Variants in ATG7 observed in about 807,000 individuals in gnomAD.
ATG7 encodes ubiquitin-like modifier-activating enzyme ATG7.
Under a neutral mutation model 82.4 loss-of-function variants are expected in ATG7, and 70 were observed. That is an observed-to-expected ratio of 0.85 (90% CI 0.70 to 1.04). The LOEUF (loss-of-function observed/expected upper bound fraction) is 1.04, where lower values mean the gene tolerates loss of function less well. Ranked by LOEUF, ATG7 falls within the 50% of genes least tolerant of loss-of-function variation. The probability of loss-of-function intolerance (pLI) is 0.00; values close to 1 mark genes in which losing one functional copy is unlikely to be tolerated. For synonymous variants in ATG7, 287 were observed against 313.0 expected (o/e 0.92, Z 0.88); for missense variants, 792 against 864.3 (o/e 0.92, Z 1.05).
chr3:11,450,648 T>G (rs1312096556), intron 20 of ATG7, among the ~76,000 whole-genome samples: 1 of 152,220 alleles, frequency 6.6e-6, no homozygotes, highest in African/African-American at 2.4e-5. Flanking sequence ...GATCTGCTCT[T>G]CTGAGGGACC....
At chr3:11,354,102 G>A (rs1236673854) in intron 14 of ATG7, among the ~76,000 whole-genome samples, 1 of 152,104 alleles carries the variant, frequency 6.6e-6, no homozygotes, top group African/African-American at 2.4e-5. Flanking sequence ...AGACCTTCCA[G>A]TATGTCAAAT....
chr3:11,572,853 C>T, the ATG7 span, among the ~76,000 whole-genome samples: 1 of 152,054 alleles, frequency 6.6e-6, no homozygotes, highest in African/African-American at 2.4e-5. Context: ...CCTGGGCACT[C>T]TTTGGTTTTT....
At chr3:11,413,718 T>C (rs2081123731) in intron 19 of ATG7, among the ~76,000 whole-genome samples, 1 of 152,230 alleles carries the variant, frequency 6.6e-6, no homozygotes, top group Admixed American at 6.5e-5. Flanking sequence ...TTTGTCTAGC[T>C]TTGGTGTCAG....
At chr3:11,459,766 C>T (rs1198734282) in intron 20 of ATG7, among the ~76,000 whole-genome samples, 1 of 152,186 alleles carries the variant, frequency 6.6e-6, no homozygotes, top group Non-Finnish European at 1.5e-5. Context: ...GAATTACAAA[C>T]AAGAGTGGCA....
chr3:11,523,563 C>T (rs370626064), intron 20 of ATG7, among the ~76,000 whole-genome samples: 1 of 152,190 alleles, frequency 6.6e-6, no homozygotes, highest in African/African-American at 2.4e-5. Flanking sequence ...GAGTCCTAAA[C>T]GTTGATTTGC....
chr3:11,297,079 C>G (rs936642713), intron 3 of ATG7, among the ~76,000 whole-genome samples: 21 of 152,150 alleles, frequency 1.4e-4, no homozygotes, highest in Admixed American at 5.9e-4. Flanking sequence ...CCCATTTGGC[C>G]AGGTGCAGTG....
intron 19 of ATG7, among the ~76,000 whole-genome samples, chr3:11,404,587 A>C (rs911867739): frequency 6.6e-6 from 1 of 151,952 alleles, no homozygotes; most frequent in Non-Finnish European, 1.5e-5. Context: ...GGTTTTGGGC[A>C]TGTACCTAGC....
At chr3:11,393,017 T>C (rs1408543804) in intron 19 of ATG7, among the ~76,000 whole-genome samples, 2 of 152,118 alleles carry the variant, frequency 1.3e-5, no homozygotes, top group Non-Finnish European at 2.9e-5. Context: ...AAAGTTTAGG[T>C]AGAAACAGAT....
At chr3:11,326,091 G>T (rs1225821594) in intron 9 of ATG7, among the ~76,000 whole-genome samples, 1 of 152,188 alleles carries the variant, frequency 6.6e-6, no homozygotes, top group Non-Finnish European at 1.5e-5. Context: ...TCTTGCAGGA[G>T]AGAAAGGAAC....
intron 20 of ATG7, among the ~76,000 whole-genome samples, chr3:11,516,956 G>C (rs920936499): frequency 2.0e-5 from 3 of 152,042 alleles, no homozygotes; most frequent in Non-Finnish European, 4.4e-5. Context: ...GGTGGCACGT[G>C]CCTGTAGTCC....
At chr3:11,303,917 C>CA (rs55893689) in intron 5 of ATG7, among the ~76,000 whole-genome samples, 3,643 of 75,810 alleles carry the variant, frequency 0.048, 99 homozygotes, top group East Asian at 0.095. Flanking sequence ...ACTAAAAATG[C>CA]AAAAAAAAAA....
At position 11,423,016 on chromosome 3, in the gene ATG7, A is replaced by G. The variant is rs571025787; in HGVS notation, c.1957-3788A>G. Among the ~76,000 whole-genome samples the G allele has an allele frequency of 1.2e-4, 19 of 152,228 alleles. No individual in the cohort carries two copies. The South Asian group carries it at 3.5e-3, about 28-fold the overall frequency. ...GTGATCCACCCACCTTGGCCTCTCA[A>G]AGTGCTGGGATTACAAATAGGCATG... On this transcript the variant is annotated intron_variant, in intron 19 of 20. Transcript: ENST00000693202.
intron 11 of ATG7, among the ~76,000 whole-genome samples, chr3:11,335,758 C>T (rs1240338395): frequency 6.6e-6 from 1 of 152,166 alleles, no homozygotes; most frequent in Admixed American, 6.5e-5. Context: ...AGTGCAATGG[C>T]ACGATCTCGG....
chr3:11,319,658 C>T (rs1464072132), intron 9 of ATG7, among the ~76,000 whole-genome samples: 1 of 152,224 alleles, frequency 6.6e-6, no homozygotes, highest in Non-Finnish European at 1.5e-5. Flanking sequence ...CAATCTTTGC[C>T]CCAAGGCTGG....
At chr3:11,364,636 C>T (rs754539350) in intron 17 of ATG7, 23 bp from the exon 18 acceptor site, 1 of 1,612,664 alleles carries the variant, frequency 6.2e-7, no homozygotes. Flanking sequence ...AAATGAGCAG[C>T]TCTGATTGTT....
intron 11 of ATG7, among the ~76,000 whole-genome samples, chr3:11,334,984 T>G (rs1952213684): frequency 6.6e-6 from 1 of 150,764 alleles, no homozygotes; most frequent in Non-Finnish European, 1.5e-5. Flanking sequence ...AAATCTCTTC[T>G]GAGATATCTT....
At chr3:11,443,877 A>G (rs2084248238) in intron 20 of ATG7, among the ~76,000 whole-genome samples, 1 of 152,176 alleles carries the variant, frequency 6.6e-6, no homozygotes, top group African/African-American at 2.4e-5. Flanking sequence ...TATAGAGAAC[A>G]AGTATGAATT....
intron 19 of ATG7, among the ~76,000 whole-genome samples, chr3:11,418,306 CT>C (rs1258517754): frequency 6.7e-6 from 1 of 148,966 alleles, no homozygotes; most frequent in African/African-American, 2.5e-5. Context: ...GAGACCTGGT[CT>C]ACAAAATGTT....
intron 20 of ATG7, among the ~76,000 whole-genome samples, chr3:11,531,818 C>T (rs1270392899): frequency 5.4e-5 from 8 of 148,514 alleles, no homozygotes; most frequent in Admixed American, 4.1e-4. Flanking sequence ...GAGCCCAGAT[C>T]CTACCACTGC....
Sources: allele counts gnomAD v4.1 joint callset (sites outside exome capture counted in the v4.1 genomes callset), GRCh38; gene constraint gnomAD v4.1.1; transcripts MANE v1.5; gene names NCBI Gene and HGNC (gene_info 2026-07-23, HGNC 2026-07-21).